Variants in AHNAK2 observed in about 807,000 individuals in gnomAD.
The protein encoded by AHNAK2 is protein AHNAK2.
In AHNAK2, 18 loss-of-function variants were observed where a neutral mutation model predicts 30.7. That is an observed-to-expected ratio of 0.59 (90% CI 0.41 to 0.87). The LOEUF is 0.87. Among genes scored for constraint, AHNAK2 ranks in the 40% least tolerant of loss-of-function variants. The pLI is 0.00. For synonymous variants in AHNAK2, 3,590 were observed against 3,073.8 expected (o/e 1.17, Z -5.56); for missense variants, 8,604 against 7,373.0 (o/e 1.17, Z -6.11).
At position 104,942,434 on chromosome 14, in the gene AHNAK2, C is replaced by T; in HGVS notation, c.13017G>A (p.Gly4339=). Residue 4339 remains glycine (G), a synonymous_variant, in exon 7 of 7, where the codon GGG becomes GGA. Coordinates refer to ENST00000333244, the MANE Select transcript of AHNAK2 (RefSeq NM_138420.4). ...TGCTGAGGTGAGTGGTCTTCAGGTC[C>T]CCCTGCATGGAGGGGAGGCTCACGT... is the stretch of plus-strand genomic sequence containing the variant. ...EADVSLPSMQ[G]DLKTTHLSIQ... The T allele has an allele frequency of 1.2e-6, 2 of 1,613,050 alleles. No homozygotes were observed. Among genetic ancestry groups the T allele is most frequent in the Non-Finnish European group, 1.7e-6 (2 of 1,179,564 alleles).
Position 104,940,817 on chromosome 14 carries a change from T to G in AHNAK2, c.14634A>C (p.Ala4878=). The change falls in exon 7 of 7, where the codon GCA becomes GCC. Residue 4878 remains alanine (A), a synonymous_variant. Coordinates refer to ENST00000333244, the MANE Select transcript of AHNAK2 (RefSeq NM_138420.4). This position sits in a 1 kb window ranked among gnomAD's most constrained non-coding sequence, Gnocchi z 4.4. ...PKFVFSVPQM[A]VPEGDLHAAV... ...CTGCATGTAGGTCTCCCTCAGGAAC[T>G]GCCATTTGGGGGACTGAAAACACAA... 6.2e-7 allele frequency: 1 copy of G among 1,613,120 alleles called. No homozygotes were observed. The highest frequency in any genetic ancestry group is 8.5e-7 in the Non-Finnish European group (1 of 1,179,892).
rs1566897361 is a variant in AHNAK2 at position 104,941,707 on chromosome 14, C to T, written c.13744G>A (p.Val4582Met). The T allele has an allele frequency of 3.7e-6, 6 of 1,613,682 alleles. No homozygotes were observed. Among genetic ancestry groups the T allele is most frequent in the South Asian group, 1.1e-5 (1 of 91,074 alleles). ...GACACCTCCACATCGGGGGCCATCA[C>T]CTCTGCCTTTGGGCCTTTCAGGTCC... is the stretch of plus-strand genomic sequence containing the variant. ...KLDLKGPKAEVMAPDVEVSLP... is the reference protein window; with the variant it reads ...KLDLKGPKAEMMAPDVEVSLP... Residue 4582 changes from valine to methionine, a missense_variant, in exon 7 of 7, where the codon GTG (valine) becomes ATG (methionine). By Grantham distance (21) the Val-to-Met change is conservative. Coordinates refer to ENST00000333244, the MANE Select transcript of AHNAK2 (RefSeq NM_138420.4).
In AHNAK2 at chr14:104,942,125, A is replaced by C. The variant is rs199971893; in HGVS notation, c.13326T>G (p.Ser4442Arg). 4.3e-4 allele frequency: 698 copies of C among 1,612,864 alleles called. 3 individuals carry two copies. In the African/African-American group the frequency reaches 8.5e-3, roughly 20 times the overall value. ...DIQAPGAKLD[S>R]TRLEGDLSLA... ...GGGACAGGTCCCCCTCCAGCCGCGT[A>C]CTGTCCAGCTTGGCTCCTGGGGCTT... Residue 4442 changes from serine (S) to arginine (R), a missense_variant, in exon 7 of 7, where the codon AGT (serine) becomes AGG (arginine). Coordinates refer to ENST00000333244, the MANE Select transcript of AHNAK2 (RefSeq NM_138420.4).
At chr14:104,964,168 T>C (rs995401672) in intron 1 of AHNAK2, among the ~76,000 whole-genome samples, 1 of 151,992 alleles carries the variant, frequency 6.6e-6, no homozygotes, top group Non-Finnish European at 1.5e-5. Context: ...CCGATAGAAA[T>C]ATGGGCAAGA....
chr14:104,968,559 G>A (rs76901420), intron 1 of AHNAK2, among the ~76,000 whole-genome samples: 2,012 of 152,318 alleles, frequency 0.013, 44 homozygotes, highest in African/African-American at 0.039. Context: ...AGGTCCGTGG[G>A]GGGAGGAGGT....
rs751353041 is a variant in AHNAK2, at chr14:104,952,633, C to T, written c.2818G>A (p.Gly940Ser). 3 of 1,612,022 alleles carry T rather than the reference C, an allele frequency of 1.9e-6. No individual in the cohort carries two copies. Among genetic ancestry groups the T allele is most frequent in the Non-Finnish European group, 2.5e-6 (3 of 1,179,432 alleles). Residue 940 changes from glycine to serine, a missense_variant, in exon 7 of 7, where the codon GGC becomes AGC. Transcript: ENST00000333244. ...DLKGPQIDVK[G>S]PKLDLKGPKA... ...GGGCCTTTCAGGTCCAGCTTGGGGC[C>T]CTTAACATCTATCTGGGGGCCCTTG...
In AHNAK2 at chr14:104,943,970, G is replaced by C. The variant is rs538732616; in HGVS notation, c.11481C>G (p.His3827Gln). ...CGGCCTCCACCTTGGGTGCAGACACGTGCACCGAGGCCTCAATGGACTTGC... is the reference window on the plus strand; with the variant it reads ...CGGCCTCCACCTTGGGTGCAGACACCTGCACCGAGGCCTCAATGGACTTGC... ...APGKSIEASV[H>Q]VSAPKVEADV... The change falls in exon 7 of 7, where the codon CAC (histidine) becomes CAG (glutamine). Residue 3827 changes from histidine to glutamine, a missense_variant. Physicochemically the swap from His to Gln is conservative, Grantham distance 24. Coordinates refer to ENST00000333244, the MANE Select transcript of AHNAK2 (RefSeq NM_138420.4). 1.9e-6 allele frequency: 3 copies of C among 1,608,310 alleles called. 1 individual carries two copies. The highest frequency in any genetic ancestry group is 2.5e-6 in the Non-Finnish European group (3 of 1,177,700).
At position 104,939,320 on chromosome 14, in the gene AHNAK2, CCACAGTTG is replaced by C. The variant is rs1566894922; in HGVS notation, c.16123_16130del (p.Gln5375GlyfsTer27). On this transcript the variant is annotated frameshift_variant, in exon 7 of 7. Coordinates refer to ENST00000333244, the MANE Select transcript of AHNAK2 (RefSeq NM_138420.4). LOFTEE classifies it low-confidence loss of function (END_TRUNC). ...ATTTGACAGTTAGGACAGAATCTTC[CCACAGTTG>C]ATCCACATTAACCACAGAAATCTGG... 1.2e-6 allele frequency: 2 copies of C among 1,613,708 alleles called. No individual in the cohort carries two copies. Among genetic ancestry groups the C allele is most frequent in the Admixed American group, 3.3e-5 (2 of 60,014 alleles).
chr14:104,945,321 G>C lies in AHNAK2; in HGVS notation c.10130C>G (p.Pro3377Arg). Residue 3377 changes from proline to arginine, a missense_variant, in exon 7 of 7, where the codon CCG becomes CGG. By Grantham distance (103) the Pro-to-Arg change is moderately radical. Coordinates refer to ENST00000333244, the MANE Select transcript of AHNAK2 (RefSeq NM_138420.4). ...AGCTCCCTCGGGCACGTGGCCCTCC[G>C]GGAGCTTCACGTCCACCTGGCCAGC... ...VQAGQVDVKL[P>R]EGHVPEGAGL... The C allele has an allele frequency of 1.2e-6, 2 of 1,612,388 alleles. No individual in the cohort carries two copies. The highest frequency in any genetic ancestry group is 1.7e-6 in the Non-Finnish European group (2 of 1,179,476).
rs903898307 is a variant in AHNAK2, at chr14:104,956,611, A to G, written c.292T>C (p.Phe98Leu). The G allele has an allele frequency of 6.2e-6, 10 of 1,613,762 alleles. No homozygotes were observed. Among genetic ancestry groups the G allele is most frequent in the Non-Finnish European group, 7.6e-6 (9 of 1,179,868 alleles). Residue 98 changes from phenylalanine to leucine, a missense_variant, in exon 4 of 7, where the codon TTT (phenylalanine) becomes CTT (leucine). Coordinates refer to ENST00000333244, the MANE Select transcript of AHNAK2 (RefSeq NM_138420.4). ...WKRDSGDSRT[F>L]FRMSRPEAVQ... ...ACCTCTGGACGACTCATCCTGAAAAATGTCCGTGAGTCCCCTGAATCTCGC... is the reference window on the plus strand; with the variant it reads ...ACCTCTGGACGACTCATCCTGAAAAGTGTCCGTGAGTCCCCTGAATCTCGC...
chr14:104,947,308 T>G lies in AHNAK2; in HGVS notation c.8143A>C (p.Lys2715Gln). The G allele has an allele frequency of 6.2e-7, 1 of 1,611,570 alleles. No homozygotes were observed. The highest frequency in any genetic ancestry group is 1.1e-5 in the South Asian group (1 of 90,988). ...LEVQAGQVDVKLPEGHVPEGA... is the reference protein window; with the variant it reads ...LEVQAGQVDVQLPEGHVPEGA... ...TCGGGAACGTGGCCCTCTGGGAGTT[T>G]CACATCCACCTGGCCAGCCTGGACC... The change falls in exon 7 of 7, where the codon AAA (lysine) becomes CAA (glutamine). Residue 2715 changes from lysine to glutamine, a missense_variant. Coordinates refer to ENST00000333244, the MANE Select transcript of AHNAK2 (RefSeq NM_138420.4).
intron 1 of AHNAK2, among the ~76,000 whole-genome samples, chr14:104,958,138 C>G (rs2140872374): frequency 1.3e-5 from 2 of 152,324 alleles, no homozygotes; most frequent in South Asian, 4.1e-4. Context: ...TTAATACAGA[C>G]TTCAAAGAAA....
chr14:104,971,787 C>A (rs112872007), intron 1 of AHNAK2, among the ~76,000 whole-genome samples: 2,798 of 152,354 alleles, frequency 0.018, 85 homozygotes, highest in African/African-American at 0.064. Flanking sequence ...TGTAGCCCCC[C>A]TGGGATCCCA....
At chr14:104,970,677 C>T (rs557000489) in intron 1 of AHNAK2, among the ~76,000 whole-genome samples, 82 of 152,314 alleles carry the variant, frequency 5.4e-4, no homozygotes, top group South Asian at 2.3e-3. Context: ...GCCCCCAACA[C>T]TCACTCAGCT....
At chr14:104,971,904 G>A (rs1470777543) in intron 1 of AHNAK2, among the ~76,000 whole-genome samples, 1 of 152,272 alleles carries the variant, frequency 6.6e-6, no homozygotes, top group Non-Finnish European at 1.5e-5. Flanking sequence ...GGGCAGCGAG[G>A]GGTCAGACCC....
At position 104,944,935 on chromosome 14, in the gene AHNAK2, C is replaced by T. The variant is rs779630853; in HGVS notation, c.10516G>A (p.Asp3506Asn). 6.6e-5 allele frequency: 106 copies of T among 1,613,044 alleles called. No homozygotes were observed. Among genetic ancestry groups the T allele is most frequent in the Middle Eastern group, 1.6e-4 (1 of 6,074 alleles). ...CCCTGCATGGAGGAGAGGCTCACGT[C>T]GGCCTCCACCTTCGGCGCAGACACA... ...LDVSAPKVEA[D>N]VSLSSMQGDL... The change falls in exon 7 of 7, where the codon GAC (aspartate) becomes AAC (asparagine). Residue 3506 changes from aspartate (D) to asparagine (N), a missense_variant. Transcript: ENST00000333244.
At chr14:104,955,355 G>T in intron 5 of AHNAK2, 128 bp downstream of exon 5, 7 of 1,385,056 alleles carry the variant, frequency 5.1e-6, no homozygotes, top group Non-Finnish European at 5.8e-6. Context: ...GCCTCAAGCT[G>T]TTGAGCAGAG....
chr14:104,959,378 G>A (rs1899070586), intron 1 of AHNAK2, among the ~76,000 whole-genome samples: 1 of 152,288 alleles, frequency 6.6e-6, no homozygotes, highest in East Asian at 1.9e-4. Context: ...CACCATGTCG[G>A]CCAGGCTGGT....
At position 104,954,611 on chromosome 14, in the gene AHNAK2, G is replaced by A. The variant is rs1286831553; in HGVS notation, c.840C>T (p.Ser280=). 6.2e-7 allele frequency: 1 copy of A among 1,611,948 alleles called. No homozygotes were observed. The part of the protein sequence containing the change: ...KRGPGPQRSH[S]SSEAYEPRDA... ...CCCTAGGTTCGTAGGCCTCTGACGAGCTGTGTGACCTCTGGGGTCCCGGCC... is the reference window on the plus strand; with the variant it reads ...CCCTAGGTTCGTAGGCCTCTGACGAACTGTGTGACCTCTGGGGTCCCGGCC... Residue 280 remains serine (S), a synonymous_variant, in exon 7 of 7, where the codon AGC becomes AGT. Transcript: ENST00000333244. The surrounding 1 kb of genome is among the most constrained non-coding windows in gnomAD (Gnocchi z 4.3).
Sources: allele counts gnomAD v4.1 joint callset (sites outside exome capture counted in the v4.1 genomes callset), GRCh38; gene constraint gnomAD v4.1.1; non-coding constraint Gnocchi (gnomAD v3.1); transcripts MANE v1.5; gene names NCBI Gene and HGNC (gene_info 2026-07-23, HGNC 2026-07-21).